DUOXA1: variants seen among roughly 807,000 people sequenced by gnomAD.
DUOXA1 encodes the protein dual oxidase activator 1.
In DUOXA1, 19 loss-of-function variants were observed where a neutral mutation model predicts 26.6. That is an observed-to-expected ratio of 0.71 (90% CI 0.50 to 1.05). DUOXA1 has a LOEUF of 1.05. DUOXA1 is among the 50% of genes least tolerant of loss of function. The pLI, the probability that DUOXA1 is intolerant of heterozygous loss-of-function variation, is 0.00. For missense variants in DUOXA1, 403 were observed against 427.5 expected, an observed-to-expected ratio of 0.94 and a Z score of 0.51; for synonymous variants, 166 against 177.0, an observed-to-expected ratio of 0.94 and a Z score of 0.49.
Position 45,117,591 on chromosome 15 carries a change from C to T in DUOXA1, c.*1515G>A. The T allele has an allele frequency of 1.2e-6, 2 of 1,612,228 alleles. No homozygotes were observed. The highest frequency in any genetic ancestry group is 1.7e-6 in the Non-Finnish European group (2 of 1,179,092). On this transcript the variant is annotated 3_prime_UTR_variant, in exon 9 of 9. Transcript: ENST00000560572. The stretch of plus-strand genomic sequence containing the variant: ...ATGGAAGAAGGCCCGGGCATCACGC[C>T]TGTAATCCCAGCACTTTGGGAGGTC...
rs564524035 is a variant in DUOXA1 at position 45,119,354 on chromosome 15, C to A, written c.784G>T (p.Val262Leu). 1.6e-5 allele frequency: 26 copies of A among 1,611,378 alleles called. No individual in the cohort carries two copies. Among genetic ancestry groups the A allele is most frequent in the Non-Finnish European group, 1.9e-5 (22 of 1,178,118 alleles). ...ACCGCCATAGCCAGGCCCAGCAGCA[C>A]ACACAGCAGTCCTGGAGATGAGGGC... ...WITLTTGLLCVLLGLAMAVAH... is the reference protein window; with the variant it reads ...WITLTTGLLCLLLGLAMAVAH... The change falls in exon 9 of 9, where the codon GTG (valine) becomes TTG (leucine). Residue 262 changes from valine to leucine, a missense_variant. Physicochemically the swap from Val to Leu is conservative, Grantham distance 32. Coordinates refer to ENST00000560572, the MANE Select transcript of DUOXA1 (RefSeq NM_001276266.2).
rs1226900493 is a variant in DUOXA1 at position 45,118,341 on chromosome 15, AC to A, written c.*764del. 1.8e-5 allele frequency: 21 copies of A among 1,187,972 alleles called. No individual in the cohort carries two copies. Among genetic ancestry groups the A allele is most frequent in the Non-Finnish European group, 2.1e-5 (20 of 957,432 alleles). 73.6% of individuals were successfully genotyped at this position (1,187,972 alleles called of 1,614,324 possible). A position where few individuals can be genotyped will look rare whatever the true frequency, so the allele number is the denominator to read the frequency against. On this transcript the variant is annotated 3_prime_UTR_variant, in exon 9 of 9. Transcript: ENST00000560572. ...TTAGGTGGCAGTGATGAGGCAGGTC[AC>A]CCACTCCCCCGTCCTGGATGCCACT...
At position 45,120,143 on chromosome 15, in the gene DUOXA1, A is replaced by T. The variant is rs771627364; in HGVS notation, c.732T>A (p.His244Gln). The change falls in exon 8 of 9, where the codon CAT (histidine) becomes CAA (glutamine). Residue 244 changes from histidine (H) to glutamine (Q), a missense_variant. Physicochemically the swap from His to Gln is conservative, Grantham distance 24. Coordinates refer to ENST00000560572, the MANE Select transcript of DUOXA1 (RefSeq NM_001276266.2). The stretch of plus-strand genomic sequence containing the variant: ...TCCAGAAGGCAGGCCCATGGTGAGT[A>T]TGCAGCACAGAAGCGCCCAGGTGCA... The part of the protein sequence containing the change: ...CPLHLGASVL[H>Q]THHGPAFWIT... The T allele has an allele frequency of 6.2e-7, 1 of 1,614,034 alleles. No homozygotes were observed. The highest frequency in any genetic ancestry group is 8.5e-7 in the Non-Finnish European group (1 of 1,179,994).
intron 5 of DUOXA1, 100 bp from the exon 6 acceptor site, chr15:45,121,321 T>A: frequency 6.4e-7 from 1 of 1,556,402 alleles, no homozygotes; most frequent in Non-Finnish European, 8.8e-7. Flanking sequence ...TCTGTTTTGG[T>A]CATAACTGGA....
At position 45,122,216 on chromosome 15, in the gene DUOXA1, C is replaced by A. The variant is rs145883946; in HGVS notation, c.174G>T (p.Val58=). The A allele has an allele frequency of 6.2e-7, 1 of 1,605,426 alleles. No individual in the cohort carries two copies. The highest frequency in any genetic ancestry group is 1.3e-5 in the African/African-American group (1 of 74,850). The part of the protein sequence containing the change: ...KTRLFWLLRV[V]TSLFIGAAIL... ...TTGCAGCCCCGATGAATAAGCTGGT[C>A]ACCACCCGAAGCAGCCAGAACAGCC... Residue 58 remains valine (V), a synonymous_variant, in exon 5 of 9, where the codon GTG becomes GTT. Transcript: ENST00000560572.
At position 45,122,178 on chromosome 15, in the gene DUOXA1, C is replaced by T; in HGVS notation, c.205+7G>A. 6.3e-7 allele frequency: 1 copy of T among 1,596,974 alleles called. No individual in the cohort carries two copies. Among genetic ancestry groups the T allele is most frequent in the Non-Finnish European group, 8.5e-7 (1 of 1,171,364 alleles). On this transcript the variant is annotated splice_region_variant and intron_variant, in intron 5 of 8. Transcript: ENST00000560572. Reference sequence around the variant, plus strand: ...AGCAGCCCAAGTCAGCTGCACTTCGCACTCACCCAGGATTGCAGCCCCGAT... The same window carrying T: ...AGCAGCCCAAGTCAGCTGCACTTCGTACTCACCCAGGATTGCAGCCCCGAT...
rs751710368 is a variant in DUOXA1 at position 45,117,569 on chromosome 15, G to A, written c.*1537C>T. On this transcript the variant is annotated 3_prime_UTR_variant, in exon 9 of 9. Transcript: ENST00000560572. ...CACAAGGGGTAGGCTCCAAAAGATG[G>A]AAGAAGGCCCGGGCATCACGCCTGT... 1.1e-5 allele frequency: 17 copies of A among 1,598,844 alleles called. 1 individual carries two copies. In the South Asian group the frequency reaches 1.5e-4, roughly 14 times the overall value.
chr15:45,128,267 T>C (rs368223562), intron 3 of DUOXA1, among the ~76,000 whole-genome samples: 1 of 152,260 alleles, frequency 6.6e-6, no homozygotes, highest in African/African-American at 2.4e-5. Context: ...TTCAAAGTTA[T>C]GTGCTAACGT....
Position 45,117,495 on chromosome 15 carries a change from C to T in DUOXA1, c.*1611G>A. 6.4e-7 allele frequency: 1 copy of T among 1,552,188 alleles called. No individual in the cohort carries two copies. The highest frequency in any genetic ancestry group is 8.7e-7 in the Non-Finnish European group (1 of 1,147,118). On this transcript the variant is annotated 3_prime_UTR_variant, in exon 9 of 9. Transcript: ENST00000560572. The stretch of plus-strand genomic sequence containing the variant: ...TGGGGGGCTCAGAAGGGTTTGGTGT[C>T]TTGCCGTGTTTCATGTAATTCAGAT...
At position 45,118,352 on chromosome 15, in the gene DUOXA1, C is replaced by G. The variant is rs575896765; in HGVS notation, c.*754G>C. The G allele has an allele frequency of 4.8e-5, 56 of 1,163,104 alleles. No individual in the cohort carries two copies. The highest frequency in any genetic ancestry group is 5.4e-5 in the Non-Finnish European group (51 of 941,966). 72.0% of individuals were successfully genotyped at this position (1,163,104 alleles called of 1,614,324 possible). A position where few individuals can be genotyped will look rare whatever the true frequency, so the allele number is the denominator to read the frequency against. ...TGATGAGGCAGGTCACCCACTCCCC[C>G]GTCCTGGATGCCACTCAGCTAGCCC... On this transcript the variant is annotated 3_prime_UTR_variant, in exon 9 of 9. Transcript: ENST00000560572.
chr15:45,118,646 A>G lies in DUOXA1; in HGVS notation c.*460T>C. On this transcript the variant is annotated 3_prime_UTR_variant, in exon 9 of 9. Transcript: ENST00000560572. ...CAGTGCTGTCTTTCATTGTACCAAA[A>G]GGCCACACAAGCTGGAGAAGTAAAG... is the stretch of plus-strand genomic sequence containing the variant. 8.1e-6 allele frequency: 8 copies of G among 991,154 alleles called. No individual in the cohort carries two copies. Among genetic ancestry groups the G allele is most frequent in the Non-Finnish European group, 9.6e-6 (8 of 834,268 alleles). 61.4% of individuals were successfully genotyped at this position (991,154 alleles called of 1,614,324 possible). A position where few individuals can be genotyped will look rare whatever the true frequency, so the allele number is the denominator to read the frequency against.
intron 3 of DUOXA1, among the ~76,000 whole-genome samples, chr15:45,124,643 G>A (rs1287150974): frequency 6.6e-6 from 1 of 152,108 alleles, no homozygotes; most frequent in Non-Finnish European, 1.5e-5. Flanking sequence ...CTGAGTAGCT[G>A]GGATTACAAG....
chr15:45,122,279 C>T (rs1595552824), intron 4 of DUOXA1, 37 bp from the exon 5 acceptor site: 1 of 1,571,954 alleles, frequency 6.4e-7, no homozygotes. Flanking sequence ...TAAAGAGTGC[C>T]TTCCTTCCAC....
chr15:45,119,484 C>T, intron 8 of DUOXA1, 119 bp from the exon 9 acceptor site: 2 of 1,439,256 alleles, frequency 1.4e-6, no homozygotes, highest in Non-Finnish European at 1.8e-6. Context: ...TTCAGGGCAA[C>T]TTGGGCTCAG....
At position 45,117,580 on chromosome 15, in the gene DUOXA1, G is replaced by A. The variant is rs144739548; in HGVS notation, c.*1526C>T. ...GGCTCCAAAAGATGGAAGAAGGCCC[G>A]GGCATCACGCCTGTAATCCCAGCAC... is the stretch of plus-strand genomic sequence containing the variant. On this transcript the variant is annotated 3_prime_UTR_variant, in exon 9 of 9. Transcript: ENST00000560572. The A allele has an allele frequency of 6.5e-5, 104 of 1,607,432 alleles. 1 individual carries two copies. The African/African-American group carries it at 1.3e-3, about 20-fold the overall frequency.
At chr15:45,125,372 A>C (rs895900670) in intron 3 of DUOXA1, among the ~76,000 whole-genome samples, 3 of 152,122 alleles carry the variant, frequency 2.0e-5, no homozygotes, top group African/African-American at 7.2e-5. Context: ...GGTATACTGA[A>C]ATTTTTCCCA....
rs1315340317 is a variant in DUOXA1, at chr15:45,118,341, A to G, written c.*765T>C. On this transcript the variant is annotated 3_prime_UTR_variant, in exon 9 of 9. Transcript: ENST00000560572. ...TTAGGTGGCAGTGATGAGGCAGGTC[A>G]CCCACTCCCCCGTCCTGGATGCCAC... 9.3e-6 allele frequency: 11 copies of G among 1,188,090 alleles called. No individual in the cohort carries two copies. The highest frequency in any genetic ancestry group is 1.1e-5 in the Non-Finnish European group (11 of 957,424). The allele number at this position is 1,188,090 out of a possible 1,614,324, so 73.6% of individuals were successfully genotyped here. A position where few individuals can be genotyped will look rare whatever the true frequency, so the allele number is the denominator to read the frequency against.
intron 6 of DUOXA1, 81 bp from the exon 7 acceptor site, chr15:45,120,886 G>T: frequency 6.5e-7 from 1 of 1,531,010 alleles, no homozygotes. Context: ...ACACTGGGCA[G>T]AGGGACAGGA....
chr15:45,121,974 C>T (rs1266287874), intron 5 of DUOXA1, among the ~76,000 whole-genome samples: 1 of 152,200 alleles, frequency 6.6e-6, no homozygotes, highest in Admixed American at 6.5e-5. Flanking sequence ...TGAGGAGATG[C>T]ATCCAGCTTG....
Sources: allele counts gnomAD v4.1 joint callset (sites outside exome capture counted in the v4.1 genomes callset), GRCh38; gene constraint gnomAD v4.1.1; transcripts MANE v1.5; gene names NCBI Gene and HGNC (gene_info 2026-07-23, HGNC 2026-07-21).